Variants in RGPD4 observed in about 807,000 individuals in gnomAD.
RGPD4 encodes RANBP2 like and GRIP domain containing 4, also known as ranBP2-like and GRIP domain-containing protein 4.
RGPD4 carries 84 observed loss-of-function variants against 141.1 expected under a neutral mutation model. The ratio of observed to expected loss-of-function variants is 0.60; its 90% CI spans 0.50 to 0.71. The LOEUF is 0.71. Ranked by LOEUF, RGPD4 falls within the 30% of genes least tolerant of loss-of-function variation. The pLI is 0.00. For synonymous variants in RGPD4, 298 were observed against 566.8 expected, an observed-to-expected ratio of 0.53 and a Z score of 6.74; for missense variants, 918 against 1,622.4, an observed-to-expected ratio of 0.57 and a Z score of 7.46.
chr2:107,830,806 C>T (rs1435431148), intron 1 of RGPD4, among the ~76,000 whole-genome samples: 11 of 151,604 alleles, frequency 7.3e-5, no homozygotes, highest in African/African-American at 2.4e-4. Flanking sequence ...TCTAGAATGT[C>T]GGAGTTTTGG....
rs776454617 is a variant in RGPD4, at chr2:107,879,996, C to G, written c.4953C>G (p.Thr1651=). ...CTCCATTATGGCATGCTGAATTTAC[C>G]AAAGAAGAATTGGTTCAGAAGCTCA... ...KEPPLWHAEF[T]KEELVQKLSS... The change falls in exon 21 of 23, where the codon ACC becomes ACG. Residue 1651 remains threonine (T), a synonymous_variant. Coordinates refer to ENST00000408999, the MANE Select transcript of RGPD4 (RefSeq NM_182588.3). 5.0e-6 allele frequency: 8 copies of G among 1,611,068 alleles called. No individual in the cohort carries two copies. Among genetic ancestry groups the G allele is most frequent in the Non-Finnish European group, 5.9e-6 (7 of 1,179,780 alleles).
chr2:107,865,426 T>C (rs2104474987), intron 17 of RGPD4, among the ~76,000 whole-genome samples: 1 of 144,708 alleles, frequency 6.9e-6, no homozygotes, highest in South Asian at 2.3e-4. Flanking sequence ...ATTTGGAATG[T>C]CAGGTAGTCC....
In RGPD4 at chr2:107,859,758, G is replaced by A. The variant is rs572265199; in HGVS notation, c.1671G>A (p.Gln557=). The stretch of plus-strand genomic sequence containing the variant: ...CAGCAAAATTGAGACTTTTAGTTCA[G>A]CATGAAATAAACACTCTAAGAGCCC... ...GNSAKLRLLV[Q]HEINTLRAQE... The change falls in exon 12 of 23, where the codon CAG becomes CAA. Residue 557 remains glutamine, a synonymous_variant. Coordinates refer to ENST00000408999, the MANE Select transcript of RGPD4 (RefSeq NM_182588.3). 181 of 1,610,922 alleles carry A rather than the reference G, an allele frequency of 1.1e-4. 2 individuals are homozygous for A. In the South Asian group the frequency reaches 1.9e-3, roughly 17 times the overall value.
At chr2:107,890,623 T>C in intron 22 of RGPD4, 98 bp from the exon 23 acceptor site, 1 of 579,706 alleles carries the variant, frequency 1.7e-6, no homozygotes, top group Non-Finnish European at 2.7e-6. Context: ...AAAAAGACAT[T>C]ATTTGCTTAT....
At chr2:107,887,079 C>T (rs993835219) in intron 22 of RGPD4, among the ~76,000 whole-genome samples, 32 of 146,980 alleles carry the variant, frequency 2.2e-4, no homozygotes, top group African/African-American at 4.5e-4. Flanking sequence ...CCTATGTCTA[C>T]AAAAATTTTA....
Position 107,828,296 on chromosome 2 carries a change from G to A in RGPD4, c.72+1211G>A, listed in dbSNP as rs866648160. On this transcript the variant is annotated intron_variant, in intron 1 of 22. Coordinates refer to ENST00000408999, the MANE Select transcript of RGPD4 (RefSeq NM_182588.3). ...GGCTCCCGACGGGCGCTGCTCCCTG[G>A]CGCGCTCTGTTGAGGCGGCGGCCTC... 7.8e-4 allele frequency among the ~76,000 whole-genome samples: 22 copies of A among 28,048 alleles called. 1 individual carries two copies. Among genetic ancestry groups the A allele is most frequent in the South Asian group, 2.8e-3 (1 of 362 alleles). The allele number at this position is 28,048 out of a possible 152,430, so 18.4% of individuals were successfully genotyped here. A position where few individuals can be genotyped will look rare whatever the true frequency, so the allele number is the denominator to read the frequency against.
chr2:107,827,120 C>T (rs748346480), intron 1 of RGPD4, 35 bp downstream of exon 1: 6 of 1,565,560 alleles, frequency 3.8e-6, no homozygotes, highest in South Asian at 2.3e-5. Flanking sequence ...CGGCCTCGAC[C>T]TGGCCGGGCG....
chr2:107,878,793 C>A (rs1405071541), intron 20 of RGPD4, among the ~76,000 whole-genome samples: 2 of 50,888 alleles, frequency 3.9e-5, no homozygotes, highest in African/African-American at 1.4e-4. Flanking sequence ...TGTTCAAGGG[C>A]AGGAAGCATC....
chr2:107,872,315 A>G lies in RGPD4; in HGVS notation c.4311A>G (p.Gly1437=). The G allele has an allele frequency of 6.2e-7, 1 of 1,608,794 alleles. No individual in the cohort carries two copies. The highest frequency in any genetic ancestry group is 8.5e-7 in the Non-Finnish European group (1 of 1,179,462). ...GGACTGCATGTGATTTTGCAGATGG[A>G]GAAAGAAAAGTAGAGCATTTAGCTG... is the stretch of plus-strand genomic sequence containing the variant. ...WVWTACDFAD[G]ERKVEHLAVR... Residue 1437 remains glycine, a synonymous_variant, in exon 20 of 23, where the codon GGA becomes GGG. Transcript: ENST00000408999.
intron 1 of RGPD4, among the ~76,000 whole-genome samples, chr2:107,830,829 C>T (rs1275759846): frequency 3.3e-5 from 5 of 151,824 alleles, no homozygotes; most frequent in Non-Finnish European, 5.9e-5. Flanking sequence ...TGTGATGATG[C>T]GTCTGTATAT....
intron 22 of RGPD4, among the ~76,000 whole-genome samples, chr2:107,885,529 AT>A (rs1675485655): frequency 6.6e-6 from 1 of 152,172 alleles, no homozygotes; most frequent in Non-Finnish European, 1.5e-5. Context: ...AAGAACAGAT[AT>A]TTTTAAAGAA....
intron 1 of RGPD4, among the ~76,000 whole-genome samples, chr2:107,831,698 G>A (rs1024306819): frequency 1.5e-5 from 2 of 136,570 alleles, no homozygotes; most frequent in South Asian, 2.4e-4. Context: ...GCCCCAGCCT[G>A]TAGCTGGGAC....
At position 107,890,859 on chromosome 2, in the gene RGPD4, C is replaced by A; in HGVS notation, c.*128C>A. 2 of 1,126,200 alleles carry A rather than the reference C, an allele frequency of 1.8e-6. No individual in the cohort carries two copies. Among genetic ancestry groups the A allele is most frequent in the South Asian group, 1.4e-5 (1 of 71,332 alleles). 69.8% of individuals were successfully genotyped at this position (1,126,200 alleles called of 1,614,324 possible). A position where few individuals can be genotyped will look rare whatever the true frequency, so the allele number is the denominator to read the frequency against. On this transcript the variant is annotated 3_prime_UTR_variant, in exon 23 of 23. Transcript: ENST00000408999. Reference sequence around the variant, plus strand: ...TACAAAAATGGTTCATGTGTATTACCATCATTCTTTTGTCAAAAAGTGTGT... The same window carrying A: ...TACAAAAATGGTTCATGTGTATTACAATCATTCTTTTGTCAAAAAGTGTGT...
intron 1 of RGPD4, among the ~76,000 whole-genome samples, chr2:107,828,045 C>A (rs1266407233): frequency 3.6e-5 from 2 of 55,878 alleles, no homozygotes; most frequent in East Asian, 3.9e-4. Flanking sequence ...CGTCATGGCT[C>A]CCGACGGGCG....
intron 8 of RGPD4, 75 bp downstream of exon 8, chr2:107,854,718 C>A: frequency 1.9e-6 from 3 of 1,578,390 alleles, no homozygotes; most frequent in Middle Eastern, 2.3e-4. Flanking sequence ...ATGATAAAAT[C>A]TCCATCTGTC....
At chr2:107,833,125 T>G (rs1659883) in intron 1 of RGPD4, among the ~76,000 whole-genome samples, 113,337 of 144,032 alleles carry the variant, frequency 0.79, 45,642 homozygotes, top group African/African-American at 0.92. Context: ...CACAGATTTG[T>G]AGCTGATCAG....
chr2:107,881,529 G>C (rs776189558), intron 21 of RGPD4, among the ~76,000 whole-genome samples: 1 of 151,328 alleles, frequency 6.6e-6, no homozygotes, highest in Non-Finnish European at 1.5e-5. Flanking sequence ...TGTTGGCCAG[G>C]ATGGTCTGAA....
At position 107,870,736 on chromosome 2, in the gene RGPD4, A is replaced by C; in HGVS notation, c.2732A>C (p.Lys911Thr). 1 of 1,609,686 alleles carries C rather than the reference A, an allele frequency of 6.2e-7. No individual in the cohort carries two copies. Among genetic ancestry groups the C allele is most frequent in the South Asian group, 1.1e-5 (1 of 90,770 alleles). The change falls in exon 20 of 23, where the codon AAA (lysine) becomes ACA (threonine). Residue 911 changes from lysine to threonine, a missense_variant. By Grantham distance (78) the Lys-to-Thr change is moderately conservative (BLOSUM62 -1). Transcript: ENST00000408999. Reference sequence around the variant, plus strand: ...TCTAATACAGAATTTAAGTCAACCAAAGAAGGATTTTCCATCCCTGTGTCT... The same window carrying C: ...TCTAATACAGAATTTAAGTCAACCACAGAAGGATTTTCCATCCCTGTGTCT... ...GSSNTEFKST[K>T]EGFSIPVSAD...
intron 1 of RGPD4, among the ~76,000 whole-genome samples, chr2:107,830,355 A>T (rs1254604187): frequency 2.6e-5 from 4 of 151,914 alleles, no homozygotes; most frequent in Admixed American, 2.0e-4. Context: ...AAAAAAAAAA[A>T]AAAAGCATGT....
Sources: allele counts gnomAD v4.1 joint callset (sites outside exome capture counted in the v4.1 genomes callset), GRCh38; gene constraint gnomAD v4.1.1; transcripts MANE v1.5; gene names NCBI Gene and HGNC (gene_info 2026-07-23, HGNC 2026-07-21).